CDH18: variants seen among roughly 807,000 people sequenced by gnomAD.
CDH18 encodes cadherin-18.
CDH18 carries 31 observed loss-of-function variants against 67.9 expected under a neutral mutation model. The ratio of observed to expected loss-of-function variants is 0.46; its 90% CI spans 0.34 to 0.62. The LOEUF (loss-of-function observed/expected upper bound fraction) is 0.62, where lower values mean the gene tolerates loss of function less well. Ranked by LOEUF, CDH18 falls within the 20% of genes least tolerant of loss-of-function variation. CDH18 has a pLI of 0.01. For synonymous variants in CDH18, 362 were observed against 347.2 expected (o/e 1.04, Z -0.48); for missense variants, 890 against 975.5 (o/e 0.91, Z 1.17).
chr5:20,059,039 C>A (rs1462961255), intron 2 of CDH18, among the ~76,000 whole-genome samples: 2 of 152,130 alleles, frequency 1.3e-5, no homozygotes, highest in Admixed American at 1.3e-4. Context: ...AATTTGACTT[C>A]TTCCTGGTTT....
chr5:19,667,311 G>C (rs1758096309), intron 5 of CDH18, among the ~76,000 whole-genome samples: 1 of 150,958 alleles, frequency 6.6e-6, no homozygotes, highest in South Asian at 2.1e-4. Context: ...ACAAATTCGT[G>C]GTGGCATACT....
intron 1 of CDH18, among the ~76,000 whole-genome samples, chr5:20,326,399 A>G (rs1738581050): frequency 6.6e-6 from 1 of 152,248 alleles, no homozygotes; most frequent in Non-Finnish European, 1.5e-5. Flanking sequence ...TATTTTACCC[A>G]ACTCTCTAAC....
chr5:19,521,673 T>C (rs931389247), intron 9 of CDH18, among the ~76,000 whole-genome samples: 1 of 148,818 alleles, frequency 6.7e-6, no homozygotes, highest in African/African-American at 2.5e-5. Flanking sequence ...TTATTCATGA[T>C]AGTAAGAAAA....
At chr5:19,721,306 T>C (rs1766055373) in intron 5 of CDH18, 41 bp downstream of exon 5, 2 of 1,516,608 alleles carry the variant, frequency 1.3e-6, no homozygotes, top group Non-Finnish European at 1.8e-6. Context: ...CAACTTACTG[T>C]AGCAAACGCT....
At chr5:19,554,265 A>T (rs957939716) in intron 8 of CDH18, among the ~76,000 whole-genome samples, 4 of 152,142 alleles carry the variant, frequency 2.6e-5, no homozygotes, top group African/African-American at 9.7e-5. Flanking sequence ...GGTATTTATG[A>T]CTCTAAGTAA....
chr5:20,096,422 T>G (rs1176709628), intron 2 of CDH18, among the ~76,000 whole-genome samples: 3 of 151,880 alleles, frequency 2.0e-5, no homozygotes, highest in African/African-American at 7.3e-5. Flanking sequence ...CAAGGAAAAA[T>G]TGTATCAGCA....
At chr5:19,721,261 G>A in intron 5 of CDH18, 86 bp downstream of exon 5, 2 of 1,254,318 alleles carry the variant, frequency 1.6e-6, no homozygotes, top group Non-Finnish European at 2.2e-6. Context: ...TCATCTAATG[G>A]AAAAGAGCAT....
chr5:19,731,391 T>C (rs933344119), intron 4 of CDH18, among the ~76,000 whole-genome samples: 2 of 151,978 alleles, frequency 1.3e-5, no homozygotes, highest in Non-Finnish European at 2.9e-5. Flanking sequence ...GCAGAGCTTG[T>C]AGTGAGCCGA....
intron 1 of CDH18, among the ~76,000 whole-genome samples, chr5:20,256,600 G>A (rs1052984106): frequency 2.6e-5 from 4 of 152,010 alleles, no homozygotes; most frequent in African/African-American, 9.7e-5. Flanking sequence ...GCTGGGAGGG[G>A]TGGACGAGAG....
chr5:19,611,862 C>T (rs1011807928), intron 6 of CDH18, among the ~76,000 whole-genome samples: 15 of 151,798 alleles, frequency 9.9e-5, no homozygotes, highest in African/African-American at 3.6e-4. Flanking sequence ...AAATTGCCTA[C>T]TGAATTATGC....
chr5:19,813,156 G>T (rs201107510), intron 3 of CDH18, among the ~76,000 whole-genome samples: 2 of 152,070 alleles, frequency 1.3e-5, no homozygotes, highest in East Asian at 3.9e-4. Flanking sequence ...GGGGGACTGG[G>T]GGAGTGATAG....
At chr5:20,304,349 T>C in intron 1 of CDH18, 1 of 1,516,948 alleles carries the variant, frequency 6.6e-7, no homozygotes, top group Non-Finnish European at 9.2e-7. Context: ...ATTATCTTTC[T>C]TGTAAAATAG....
At chr5:20,154,522 T>C (rs964543978) in intron 2 of CDH18, among the ~76,000 whole-genome samples, 1 of 152,124 alleles carries the variant, frequency 6.6e-6, no homozygotes, top group African/African-American at 2.4e-5. Flanking sequence ...AATAAAAAAT[T>C]TTAACAACAT....
At chr5:20,280,420 CAT>C (rs1317278981) in intron 1 of CDH18, among the ~76,000 whole-genome samples, 1 of 152,138 alleles carries the variant, frequency 6.6e-6, no homozygotes, top group Non-Finnish European at 1.5e-5. Flanking sequence ...CATGCGTCCT[CAT>C]TGTTCAATTC....
At chr5:19,772,625 G>T (rs1273791560) in intron 3 of CDH18, among the ~76,000 whole-genome samples, 1 of 152,042 alleles carries the variant, frequency 6.6e-6, no homozygotes, top group Admixed American at 6.6e-5. Context: ...TTTTAATTTT[G>T]TCAGATATCC....
At chr5:20,227,737 C>T (rs186710329) in intron 2 of CDH18, among the ~76,000 whole-genome samples, 1 of 152,092 alleles carries the variant, frequency 6.6e-6, no homozygotes, top group East Asian at 1.9e-4. Flanking sequence ...GTCCTAATAC[C>T]TCAGCCTCCC....
chr5:20,226,569 CAT>C (rs1561892654), intron 2 of CDH18, among the ~76,000 whole-genome samples: 1 of 151,988 alleles, frequency 6.6e-6, no homozygotes, highest in African/African-American at 2.4e-5. Flanking sequence ...CACTTTAAAA[CAT>C]GAAAATATTA....
chr5:19,862,922 T>C (rs187591441), intron 2 of CDH18, among the ~76,000 whole-genome samples: 1 of 152,130 alleles, frequency 6.6e-6, no homozygotes, highest in East Asian at 1.9e-4. Flanking sequence ...AGGCCAGCCC[T>C]GGCAAGGTCA....
chr5:20,172,038 G>T (rs1736758235), intron 2 of CDH18, among the ~76,000 whole-genome samples: 1 of 149,546 alleles, frequency 6.7e-6, no homozygotes, highest in African/African-American at 2.5e-5. Flanking sequence ...TTTAGGTGTG[G>T]AACCTTATTT....
Sources: gnomAD v4.1 joint callset for allele counts (sites outside exome capture counted in the v4.1 genomes callset) on GRCh38, gnomAD v4.1.1 for gene constraint, MANE v1.5 for transcripts, NCBI Gene and HGNC (gene_info 2026-07-23, HGNC 2026-07-21) for gene names.